Variants in STXBP5 observed in about 807,000 individuals in gnomAD.
STXBP5 encodes the protein syntaxin binding protein 5.
Under a neutral mutation model 152.4 loss-of-function variants are expected in STXBP5, and 50 were observed. The ratio of observed to expected loss-of-function variants is 0.33; its 90% CI spans 0.26 to 0.42. The LOEUF is 0.42. STXBP5 is among the 10% of genes least tolerant of loss of function. The pLI, the probability that STXBP5 is intolerant of heterozygous loss-of-function variation, is 1.00. For synonymous variants in STXBP5, 492 were observed against 494.7 expected, an observed-to-expected ratio of 0.99 and a Z score of 0.07; for missense variants, 1,167 against 1,388.6, an observed-to-expected ratio of 0.84 and a Z score of 2.54.
intron 7 of STXBP5, among the ~76,000 whole-genome samples, chr6:147,271,723 A>C (rs1780180741): frequency 6.6e-6 from 1 of 152,180 alleles, no homozygotes; most frequent in South Asian, 2.1e-4. Context: ...ACAAGAAACT[A>C]GAAGAAAAAG....
At chr6:147,223,511 GTTAT>G (rs2115101355) in intron 2 of STXBP5, among the ~76,000 whole-genome samples, 1 of 152,204 alleles carries the variant, frequency 6.6e-6, no homozygotes, top group Non-Finnish European at 1.5e-5. Context: ...AATCAGAGAA[GTTAT>G]TTAATAGATT....
At chr6:147,240,388 T>G (rs1778483842) in intron 4 of STXBP5, among the ~76,000 whole-genome samples, 1 of 152,194 alleles carries the variant, frequency 6.6e-6, no homozygotes, top group African/African-American at 2.4e-5. Context: ...ACATGTGTAG[T>G]TGTATATATG....
intron 4 of STXBP5, among the ~76,000 whole-genome samples, chr6:147,256,847 A>G (rs1779393619): frequency 6.6e-6 from 1 of 152,172 alleles, no homozygotes; most frequent in Non-Finnish European, 1.5e-5. Context: ...TGCTGAGAAT[A>G]TAAATGTGAT....
intron 9 of STXBP5, among the ~76,000 whole-genome samples, chr6:147,305,589 G>A (rs1782049100): frequency 6.6e-6 from 1 of 152,020 alleles, no homozygotes; most frequent in Admixed American, 6.6e-5. Context: ...TATTTTGTGT[G>A]AAAAATAATT....
At position 147,332,513 on chromosome 6, in the gene STXBP5, A is replaced by G. The variant is rs377549142; in HGVS notation, c.2081-1644A>G. On this transcript the variant is annotated intron_variant, in intron 18 of 27. Transcript: ENST00000321680. ...CAGTCAAACAAGAAACATTTCATAC[A>G]AGAGAACAAGCACAATTTGCTCTGA... Among the ~76,000 whole-genome samples the G allele has an allele frequency of 2.4e-3, 370 of 152,342 alleles. 1 individual carries two copies. The highest frequency in any genetic ancestry group is 0.012 in the South Asian group (60 of 4,832).
intron 6 of STXBP5, among the ~76,000 whole-genome samples, chr6:147,263,210 A>G (rs1779722713): frequency 6.6e-6 from 1 of 152,024 alleles, no homozygotes; most frequent in Non-Finnish European, 1.5e-5. Flanking sequence ...TCATAATTAT[A>G]GCATTGTTTT....
chr6:147,343,604 A>C (rs969754391), intron 21 of STXBP5, among the ~76,000 whole-genome samples: 16 of 152,156 alleles, frequency 1.1e-4, no homozygotes, highest in African/African-American at 3.9e-4. Context: ...AGCATGTTTC[A>C]CACTTCATAC....
intron 4 of STXBP5, among the ~76,000 whole-genome samples, chr6:147,239,630 T>C (rs1778441043): frequency 6.6e-6 from 1 of 152,218 alleles, no homozygotes; most frequent in South Asian, 2.1e-4. Flanking sequence ...TCAGCACATT[T>C]AAATCTTCCT....
chr6:147,346,958 C>A (rs1423645719), intron 21 of STXBP5, among the ~76,000 whole-genome samples: 1 of 152,130 alleles, frequency 6.6e-6, no homozygotes, highest in Non-Finnish European at 1.5e-5. Flanking sequence ...CTTTCTGCGA[C>A]AGAGCACGTT....
intron 2 of STXBP5, among the ~76,000 whole-genome samples, chr6:147,222,371 A>G (rs1777503182): frequency 6.6e-6 from 1 of 152,128 alleles, no homozygotes; most frequent in South Asian, 2.1e-4. Context: ...GGCCTTTGGT[A>G]ATGGTGTGGG....
At chr6:147,208,782 A>G (rs868314149) in intron 2 of STXBP5, among the ~76,000 whole-genome samples, 1 of 152,112 alleles carries the variant, frequency 6.6e-6, no homozygotes, top group Non-Finnish European at 1.5e-5. Context: ...TGATTTATCT[A>G]CTCTGGGTTA....
At position 147,326,250 on chromosome 6, in the gene STXBP5, A is replaced by G. The variant is rs11965185; in HGVS notation, c.1929-875A>G. ...TATTTTCCACGACCATAAAGAAAAC[A>G]TAGGAAATAAGAAAAAGAACCAATA... is the stretch of plus-strand genomic sequence containing the variant. On this transcript the variant is annotated intron_variant, in intron 17 of 27. Transcript: ENST00000321680. Among the ~76,000 whole-genome samples, 737 of 152,340 alleles carry G rather than the reference A, an allele frequency of 4.8e-3. 6 individuals carry two copies. Among genetic ancestry groups the G allele is most frequent in the African/African-American group, 0.017 (689 of 41,584 alleles).
In STXBP5 at chr6:147,314,274, T is replaced by G. The variant is rs1782530819; in HGVS notation, c.1304T>G (p.Ile435Ser). The G allele has an allele frequency of 6.2e-7, 1 of 1,611,168 alleles. No homozygotes were observed. Among genetic ancestry groups the G allele is most frequent in the Non-Finnish European group, 8.5e-7 (1 of 1,177,608 alleles). Residue 435 changes from isoleucine (I) to serine (S), a missense_variant, in exon 13 of 28, where the codon ATC (isoleucine) becomes AGC (serine). Physicochemically the swap from Ile to Ser is moderately radical, Grantham distance 142 (BLOSUM62 -2). Coordinates refer to ENST00000321680, the MANE Select transcript of STXBP5 (RefSeq NM_001127715.4). ...CATCTTTTTTTATAGGAATGGCCCA[T>G]CAACGGAGGTAATTGGGGCTTGGGT... Reference protein sequence around the residue: ...RQGYSKKEWPINGGNWGLGAQ... With the variant: ...RQGYSKKEWPSNGGNWGLGAQ...
chr6:147,358,426 G>A (rs552426763), intron 22 of STXBP5, among the ~76,000 whole-genome samples: 6 of 152,242 alleles, frequency 3.9e-5, no homozygotes, highest in Admixed American at 1.3e-4. Flanking sequence ...GATATTCATC[G>A]GGAGGCACCC....
chr6:147,315,802 T>C, intron 15 of STXBP5, 67 bp downstream of exon 15: 1 of 1,449,392 alleles, frequency 6.9e-7, no homozygotes, highest in Non-Finnish European at 9.6e-7. Context: ...TTGTGGATGA[T>C]TTGGAAGACT....
intron 16 of STXBP5, among the ~76,000 whole-genome samples, chr6:147,319,986 C>T (rs184195685): frequency 2.7e-3 from 414 of 151,744 alleles, no homozygotes; most frequent in Non-Finnish European, 3.6e-3. Flanking sequence ...GGACTACAAG[C>T]GCACACCACC....
chr6:147,370,836 T>A (rs901173336), intron 25 of STXBP5, among the ~76,000 whole-genome samples: 4 of 152,046 alleles, frequency 2.6e-5, no homozygotes, highest in African/African-American at 9.7e-5. Flanking sequence ...GAGATATTTA[T>A]TTTTTCAGAC....
At chr6:147,264,861 C>T (rs987195973) in intron 6 of STXBP5, among the ~76,000 whole-genome samples, 1 of 152,054 alleles carries the variant, frequency 6.6e-6, no homozygotes, top group Non-Finnish European at 1.5e-5. Flanking sequence ...CCTGTTGTCA[C>T]ATATTTCTAA....
At chr6:147,327,075 T>C in intron 17 of STXBP5, 50 bp from the exon 18 acceptor site, 1 of 1,561,848 alleles carries the variant, frequency 6.4e-7, no homozygotes, top group South Asian at 1.2e-5. Context: ...AGTACATTTT[T>C]TTGGAATTAT....
Sources: allele counts gnomAD v4.1 joint callset (sites outside exome capture counted in the v4.1 genomes callset), GRCh38; gene constraint gnomAD v4.1.1; transcripts MANE v1.5; gene names NCBI Gene and HGNC (gene_info 2026-07-23, HGNC 2026-07-21).